Variants in RASSF3 observed in about 807,000 individuals in gnomAD.
The protein encoded by RASSF3 is Ras association domain family member 3.
RASSF3 carries 19 observed loss-of-function variants against 19.9 expected under a neutral mutation model. The observed-to-expected ratio is 0.96, with a 90% CI of 0.67 to 1.40. RASSF3 has a LOEUF of 1.40. Ranked by LOEUF, RASSF3 falls within the 40% of genes most tolerant of loss-of-function variation. RASSF3 has a pLI of 0.00. For missense variants in RASSF3, 306 were observed against 289.8 expected, an observed-to-expected ratio of 1.06 and a Z score of -0.41; for synonymous variants, 110 against 104.2, an observed-to-expected ratio of 1.06 and a Z score of -0.34.
intron 1 of RASSF3, among the ~76,000 whole-genome samples, chr12:64,642,499 G>T (rs868578726): frequency 7.4e-6 from 1 of 135,958 alleles, no homozygotes. Flanking sequence ...AGCAGAGGTT[G>T]CAGTAAGCCA....
At chr12:64,691,778 C>T (rs1868290446) in intron 4 of RASSF3, among the ~76,000 whole-genome samples, 199 bp downstream of exon 4, 1 of 73,262 alleles carries the variant, frequency 1.4e-5, no homozygotes, top group South Asian at 4.3e-4. Context: ...CAAAGTTAGC[C>T]TATGATGTCA....
chr12:64,584,707 G>C (rs1869763856), intron 2 of RASSF3, among the ~76,000 whole-genome samples: 1 of 151,904 alleles, frequency 6.6e-6, no homozygotes, highest in Non-Finnish European at 1.5e-5. Context: ...GGGAGGTGGA[G>C]GTGAGGAGTG....
chr12:64,608,319 GTTTA>G (rs201403917), upstream of RASSF3, among the ~76,000 whole-genome samples: 94 of 152,124 alleles, frequency 6.2e-4, 2 homozygotes, highest in South Asian at 0.01. Flanking sequence ...GCATCATAAA[GTTTA>G]TTTATTTATT....
chr12:64,520,561 T>C (rs1399944956), intron 1 of RASSF3, among the ~76,000 whole-genome samples: 320 of 30,996 alleles, frequency 0.01, 2 homozygotes, highest in African/African-American at 0.015. Context: ...CACACATATA[T>C]ATATATATAT....
At chr12:64,561,917 C>T (rs1006401345) in intron 2 of RASSF3, among the ~76,000 whole-genome samples, 5 of 151,814 alleles carry the variant, frequency 3.3e-5, no homozygotes, top group African/African-American at 7.3e-5. Flanking sequence ...GTCTTGACCT[C>T]GAGTGATCCA....
chr12:64,572,288 T>G (rs117467069), intron 2 of RASSF3, among the ~76,000 whole-genome samples: 1 of 151,848 alleles, frequency 6.6e-6, no homozygotes, highest in African/African-American at 2.4e-5. Flanking sequence ...GGGACCTTCA[T>G]GATAGGATTA....
intron 1 of RASSF3, among the ~76,000 whole-genome samples, chr12:64,664,085 C>T (rs1872467380): frequency 6.6e-6 from 1 of 152,098 alleles, no homozygotes; most frequent in Non-Finnish European, 1.5e-5. Flanking sequence ...TAAACAGCAA[C>T]TTTAGTCAGA....
At chr12:64,674,471 T>G (rs1872809982) in intron 1 of RASSF3, among the ~76,000 whole-genome samples, 1 of 152,018 alleles carries the variant, frequency 6.6e-6, no homozygotes, top group African/African-American at 2.4e-5. Flanking sequence ...ATCCCAACAC[T>G]TTGGGAGGCC....
At position 64,691,684 on chromosome 12, in the gene RASSF3, GAGTTGGAGGGCAGGGGGATGGGAAGAGA is replaced by G. The variant is rs1422932808; in HGVS notation, c.567+108_567+135del. 98 of 824,844 alleles carry G rather than the reference GAGTTGGAGGGCAGGGGGATGGGAAGAGA, an allele frequency of 1.2e-4. 2 individuals are homozygous for G. In the East Asian group the frequency reaches 2.6e-3, roughly 22 times the overall value. The allele number at this position is 824,844 out of a possible 1,614,324, so 51.1% of individuals were successfully genotyped here. On this transcript the variant is annotated intron_variant, in intron 4 of 4. Transcript: ENST00000542104. ...ATTGATGGGGGATGGGAAGAGAAGAGAGTTGGAGGGCAGGGGGATGGGAAGAGAAGAGAGTTGGAGGGCAGGGAGAGGG... is the reference window on the plus strand; with the variant it reads ...ATTGATGGGGGATGGGAAGAGAAGAGAGAGAGTTGGAGGGCAGGGAGAGGG...
At chr12:64,559,348 AT>A (rs1479543289) in intron 2 of RASSF3, among the ~76,000 whole-genome samples, 6 of 147,140 alleles carry the variant, frequency 4.1e-5, no homozygotes, top group African/African-American at 1.5e-4. Flanking sequence ...GGTTCATGCC[AT>A]TCTCCTGCCT....
chr12:64,690,204 C>T (rs1396902723), intron 3 of RASSF3, among the ~76,000 whole-genome samples: 6 of 151,612 alleles, frequency 4.0e-5, no homozygotes, highest in Admixed American at 1.3e-4. Flanking sequence ...TTGTTTGAGA[C>T]GGAGTCTTGC....
At chr12:64,540,006 C>G (rs1037460613) in intron 1 of RASSF3, among the ~76,000 whole-genome samples, 1 of 152,108 alleles carries the variant, frequency 6.6e-6, no homozygotes, top group Non-Finnish European at 1.5e-5. Context: ...CTTTTTATCT[C>G]GATGGCTTAC....
At chr12:64,614,439 C>CAA (rs1414052162) in intron 1 of RASSF3, among the ~76,000 whole-genome samples, 1 of 151,676 alleles carries the variant, frequency 6.6e-6, no homozygotes, top group African/African-American at 2.4e-5. Flanking sequence ...CTGATCTTTA[C>CAA]CATTTTCAAA....
At chr12:64,624,506 C>A (rs1199716850) in intron 1 of RASSF3, among the ~76,000 whole-genome samples, 2 of 151,782 alleles carry the variant, frequency 1.3e-5, no homozygotes, top group East Asian at 3.9e-4. Context: ...AACTCCTGGG[C>A]TCAAGTGATC....
intron 1 of RASSF3, among the ~76,000 whole-genome samples, chr12:64,623,047 C>T (rs567184803): frequency 1.3e-4 from 20 of 152,138 alleles, no homozygotes; most frequent in African/African-American, 3.9e-4. Flanking sequence ...TCTCGAACCC[C>T]TGACCTCAGG....
At chr12:64,612,840 G>T (rs1410895874) in intron 1 of RASSF3, among the ~76,000 whole-genome samples, 2 of 152,000 alleles carry the variant, frequency 1.3e-5, no homozygotes, top group African/African-American at 4.8e-5. Context: ...TTATACTCAG[G>T]GTAGTATTAT....
intron 1 of RASSF3, among the ~76,000 whole-genome samples, chr12:64,513,452 GAA>G (rs67709932): frequency 2.5e-4 from 28 of 114,124 alleles, no homozygotes; most frequent in Admixed American, 2.8e-4. Context: ...CTCCATCTCA[GAA>G]AAAAAAAAAA....
chr12:64,684,561 A>C (rs1359270030), intron 1 of RASSF3, among the ~76,000 whole-genome samples: 1 of 151,340 alleles, frequency 6.6e-6, no homozygotes, highest in Non-Finnish European at 1.5e-5. Flanking sequence ...CCTCCCAAGT[A>C]GCTGGGTTTA....
upstream of RASSF3, among the ~76,000 whole-genome samples, chr12:64,530,728 T>C (rs1868691167): frequency 6.6e-6 from 1 of 152,202 alleles, no homozygotes. Context: ...CTCACCAAAA[T>C]GTGGTATTGT....
Sources: gnomAD v4.1 joint callset for allele counts (sites outside exome capture counted in the v4.1 genomes callset) on GRCh38, gnomAD v4.1.1 for gene constraint, MANE v1.5 for transcripts, NCBI Gene and HGNC (gene_info 2026-07-23, HGNC 2026-07-21) for gene names.